The following DPH6 variants were observed in gnomAD, a reference collection of about 807,000 sequenced individuals.
DPH6 encodes the protein diphthine--ammonia ligase.
Under a neutral mutation model 38.2 loss-of-function variants are expected in DPH6, and 33 were observed. The observed-to-expected ratio is 0.86, with a 90% CI of 0.65 to 1.15. The LOEUF is 1.15. Among genes scored for constraint, DPH6 ranks in the 50% most tolerant of loss-of-function variants. The pLI is 0.00. For missense variants in DPH6, 325 were observed against 320.0 expected, an observed-to-expected ratio of 1.02 and a Z score of -0.12; for synonymous variants, 108 against 103.0, an observed-to-expected ratio of 1.05 and a Z score of -0.30.
At chr15:35,316,819 A>G (rs2140836503) in intron 3 of DPH6, among the ~76,000 whole-genome samples, 1 of 152,322 alleles carries the variant, frequency 6.6e-6, no homozygotes, top group South Asian at 2.1e-4. Flanking sequence ...AAACAGATAA[A>G]TGGCAAAACT....
chr15:35,262,767 A>AT (rs1266299554), intron 3 of DPH6, among the ~76,000 whole-genome samples: 5 of 146,086 alleles, frequency 3.4e-5, no homozygotes, highest in Admixed American at 3.4e-4. Flanking sequence ...TTTAGGTAAG[A>AT]TTTTCTTTAG....
intron 3 of DPH6, chr15:35,521,917 T>C: frequency 7.1e-7 from 1 of 1,416,190 alleles, no homozygotes; most frequent in South Asian, 1.6e-5. Flanking sequence ...TCCTTTAAGT[T>C]GAATACATGG....
chr15:35,238,750 C>A (rs1037929873), intron 3 of DPH6, among the ~76,000 whole-genome samples: 1 of 152,140 alleles, frequency 6.6e-6, no homozygotes, highest in East Asian at 1.9e-4. Context: ...CCCGCCTTAA[C>A]TGATGACATT....
chr15:35,323,838 A>G (rs1437825928), intron 3 of DPH6, among the ~76,000 whole-genome samples: 1 of 152,218 alleles, frequency 6.6e-6, no homozygotes, highest in African/African-American at 2.4e-5. Flanking sequence ...TGCCGGAAAT[A>G]ATTTTATAAC....
the DPH6 span, among the ~76,000 whole-genome samples, chr15:35,148,524 C>T: frequency 0.03 from 4,603 of 152,252 alleles, 216 homozygotes; most frequent in African/African-American, 0.1. Flanking sequence ...CAGTTATTCA[C>T]AATTAGAAAC....
the DPH6 span, among the ~76,000 whole-genome samples, chr15:35,191,710 T>C: frequency 6.6e-6 from 1 of 152,218 alleles, no homozygotes; most frequent in Non-Finnish European, 1.5e-5. Context: ...TTGAAACTTA[T>C]ATTTGTCTTG....
At chr15:35,193,054 G>T in the DPH6 span, among the ~76,000 whole-genome samples, 3 of 152,170 alleles carry the variant, frequency 2.0e-5, no homozygotes, top group African/African-American at 7.2e-5. Flanking sequence ...CAAAGAGAAT[G>T]CCTCACACAT....
chr15:35,344,014 T>G (rs927948742), intron 3 of DPH6, among the ~76,000 whole-genome samples: 2 of 152,072 alleles, frequency 1.3e-5, no homozygotes, highest in Non-Finnish European at 2.9e-5. Context: ...AAGCATTCAT[T>G]ACCCTTCATG....
At chr15:35,180,079 A>G in the DPH6 span, among the ~76,000 whole-genome samples, 3 of 152,208 alleles carry the variant, frequency 2.0e-5, no homozygotes, top group Non-Finnish European at 4.4e-5. Context: ...AAGAATATGC[A>G]TGAAAATATT....
chr15:35,199,038 G>A, the DPH6 span, among the ~76,000 whole-genome samples: 1 of 151,860 alleles, frequency 6.6e-6, no homozygotes, highest in Non-Finnish European at 1.5e-5. Context: ...TCCTGCCTTA[G>A]CCTCCCGAGT....
chr15:35,259,407 C>T (rs937815008), intron 3 of DPH6, among the ~76,000 whole-genome samples: 13 of 152,140 alleles, frequency 8.5e-5, no homozygotes, highest in Admixed American at 2.0e-4. Context: ...GCTGCTTTCA[C>T]GCAAACCTAA....
At chr15:35,311,515 T>G (rs2052141781) in intron 3 of DPH6, among the ~76,000 whole-genome samples, 1 of 152,134 alleles carries the variant, frequency 6.6e-6, no homozygotes, top group Non-Finnish European at 1.5e-5. Flanking sequence ...TATTACCAAA[T>G]AGATGCCCTC....
intron 3 of DPH6, among the ~76,000 whole-genome samples, chr15:35,342,003 CCTCA>C (rs1470825913): frequency 3.3e-5 from 5 of 152,178 alleles, no homozygotes; most frequent in African/African-American, 1.2e-4. Context: ...GGTAGCTGCC[CCTCA>C]CCACAGGAAC....
chr15:35,383,024 C>G (rs895870522), intron 6 of DPH6, among the ~76,000 whole-genome samples: 3 of 152,056 alleles, frequency 2.0e-5, no homozygotes, highest in Non-Finnish European at 2.9e-5. Context: ...TGCTATTCAC[C>G]CTTTCTAACA....
the DPH6 span, among the ~76,000 whole-genome samples, chr15:35,184,442 C>T: frequency 1.3e-5 from 2 of 152,042 alleles, no homozygotes; most frequent in Non-Finnish European, 2.9e-5. Context: ...GGCCTCAAAG[C>T]CTGTAGCAGA....
chr15:35,520,238 AAAC>A, intron 3 of DPH6: 5 of 827,476 alleles, frequency 6.0e-6, no homozygotes, highest in Non-Finnish European at 7.3e-6. Flanking sequence ...AACAAAAAAA[AAAC>A]AAAAGAAGAA....
intron 3 of DPH6, among the ~76,000 whole-genome samples, chr15:35,478,404 C>CACACACACACAT (rs1337564814): frequency 7.3e-6 from 1 of 136,230 alleles, no homozygotes; most frequent in East Asian, 2.2e-4. Flanking sequence ...CACACACACA[C>CACACACACACAT]AAAGATTGTA....
rs191416311 is a variant in DPH6, at chr15:35,360,102, T to C, written n.207+13419A>G. 5.9e-5 allele frequency among the ~76,000 whole-genome samples: 9 copies of C among 152,326 alleles called. No homozygotes were observed. In the East Asian group the frequency reaches 1.5e-3, roughly 26 times the overall value. On this transcript the variant is annotated intron_variant and non_coding_transcript_variant, in intron 3 of 3. Transcript: ENST00000558973. ...TTTGCACCATTTAGCCTTGCATTGTTGTTCTATGCATCTGAAAGAGCAAAC... is the reference window on the plus strand; with the variant it reads ...TTTGCACCATTTAGCCTTGCATTGTCGTTCTATGCATCTGAAAGAGCAAAC...
In DPH6 at chr15:35,283,455, C is replaced by A. The variant is rs142889439; in HGVS notation, n.201-62873G>T. On this transcript the variant is annotated intron_variant and non_coding_transcript_variant, in intron 3 of 3. Transcript: ENST00000560386. ...GGGACCACAGGCGCCCACCACCATG[C>A]CCAGCTAACTTTTTGTATTTTTAGC... 8.4e-3 allele frequency among the ~76,000 whole-genome samples: 1,277 copies of A among 152,102 alleles called. 20 individuals are homozygous for A. Among genetic ancestry groups the A allele is most frequent in the African/African-American group, 0.029 (1,193 of 41,482 alleles).
Sources: allele counts gnomAD v4.1 joint callset (sites outside exome capture counted in the v4.1 genomes callset), GRCh38; gene constraint gnomAD v4.1.1; transcripts MANE v1.5; gene names NCBI Gene and HGNC (gene_info 2026-07-23, HGNC 2026-07-21).